The following ZNF148 variants were observed in gnomAD, a reference collection of about 807,000 sequenced individuals.
The protein encoded by ZNF148 is zinc finger protein 148, also known as Beta-Enolase Repressor Factor-1.
A neutral mutation model predicts 67.7 loss-of-function variants in ZNF148; 7 were observed. That is an observed-to-expected ratio of 0.10 (90% confidence interval 0.06 to 0.19). The LOEUF (loss-of-function observed/expected upper bound fraction) is 0.19. Ranked by LOEUF, ZNF148 falls within the 10% of genes least tolerant of loss-of-function variation. ZNF148 has a pLI of 1.00. For missense variants in ZNF148, 583 were observed against 947.1 expected (o/e 0.62, Z 5.05); for synonymous variants, 333 against 330.7 (o/e 1.01, Z -0.08).
At chr3:125,355,369 T>C (rs1286590057) in intron 1 of ZNF148, among the ~76,000 whole-genome samples, 1 of 152,202 alleles carries the variant, frequency 6.6e-6, no homozygotes, top group African/African-American at 2.4e-5. Context: ...GACTGTCATA[T>C]GCATTGTAGG....
rs1008523880 is a variant in ZNF148 at position 125,263,788 on chromosome 3, G to T, written c.667+13938C>A. On this transcript the variant is annotated intron_variant, in intron 7 of 8. Coordinates refer to ENST00000360647, the MANE Select transcript of ZNF148 (RefSeq NM_021964.3). Reference sequence around the variant, plus strand: ...AACCCTAGGGATTTCCTGGGTGATAGAAGCCTCTTTCGTTCTAATGAGGCG... The same window carrying T: ...AACCCTAGGGATTTCCTGGGTGATATAAGCCTCTTTCGTTCTAATGAGGCG... Among the ~76,000 whole-genome samples the T allele has an allele frequency of 5.2e-5, 7 of 134,814 alleles. No individual in the cohort carries two copies. The South Asian group carries it at 1.5e-3, about 28-fold the overall frequency. The allele number at this position is 134,814 out of a possible 152,430, so 88.4% of individuals were successfully genotyped here.
intron 2 of ZNF148, among the ~76,000 whole-genome samples, chr3:125,327,415 C>T (rs748404643): frequency 1.4e-4 from 21 of 152,280 alleles, no homozygotes; most frequent in Non-Finnish European, 2.9e-4. Flanking sequence ...ATATAGAAAA[C>T]ACTACCAAAC....
At chr3:125,356,050 T>TC (rs1366033417) in intron 1 of ZNF148, among the ~76,000 whole-genome samples, 2 of 151,778 alleles carry the variant, frequency 1.3e-5, no homozygotes, top group African/African-American at 2.4e-5. Context: ...AAATATATCT[T>TC]CCCCCCGTTA....
At chr3:125,234,490 T>G (rs569999742) in intron 7 of ZNF148, among the ~76,000 whole-genome samples, 161 bp from the exon 8 acceptor site, 6 of 152,332 alleles carry the variant, frequency 3.9e-5, no homozygotes, top group African/African-American at 1.4e-4. Context: ...GATTAGCATA[T>G]GCTATTGGAA....
chr3:125,339,379 GTAT>G (rs1941624288), intron 1 of ZNF148, among the ~76,000 whole-genome samples: 1 of 152,098 alleles, frequency 6.6e-6, no homozygotes, highest in Non-Finnish European at 1.5e-5. Context: ...ATGCAGTAAC[GTAT>G]TACGGGAATA....
At chr3:125,305,713 T>C (rs2107658140) in intron 4 of ZNF148, among the ~76,000 whole-genome samples, 1 of 150,760 alleles carries the variant, frequency 6.6e-6, no homozygotes, top group South Asian at 2.1e-4. Flanking sequence ...CTCAGGAGAC[T>C]GAGTTGTGAG....
intron 3 of ZNF148, among the ~76,000 whole-genome samples, chr3:125,317,598 T>C (rs1013281392): frequency 2.1e-5 from 3 of 143,658 alleles, no homozygotes; most frequent in Non-Finnish European, 3.0e-5. Context: ...CAAGATACAT[T>C]AAGTGAAAAA....
chr3:125,295,665 T>C (rs1038424727), intron 4 of ZNF148, among the ~76,000 whole-genome samples: 14 of 152,100 alleles, frequency 9.2e-5, no homozygotes, highest in Non-Finnish European at 2.1e-4. Context: ...CAACTAAAAT[T>C]GGGATCATGC....
At chr3:125,299,094 A>G (rs1378326299) in intron 4 of ZNF148, among the ~76,000 whole-genome samples, 1 of 152,216 alleles carries the variant, frequency 6.6e-6, no homozygotes, top group Non-Finnish European at 1.5e-5. Flanking sequence ...TTTTCACTTT[A>G]TTATTTCTTC....
intron 7 of ZNF148, among the ~76,000 whole-genome samples, chr3:125,277,162 C>T (rs185209364): frequency 1.1e-3 from 170 of 152,182 alleles, no homozygotes; most frequent in African/African-American, 3.6e-3. Flanking sequence ...TTGGTTTTAC[C>T]GTTGGCAAAA....
At chr3:125,284,133 A>G (rs1197329995) in intron 5 of ZNF148, among the ~76,000 whole-genome samples, 1 of 152,190 alleles carries the variant, frequency 6.6e-6, no homozygotes, top group Non-Finnish European at 1.5e-5. Flanking sequence ...TATAATATAT[A>G]CAACATGGGA....
At chr3:125,324,184 T>TA (rs71625789) in intron 2 of ZNF148, among the ~76,000 whole-genome samples, 45,424 of 151,340 alleles carry the variant, frequency 0.3, 7,248 homozygotes, top group Middle Eastern at 0.36. Flanking sequence ...AGTATAATAA[T>TA]AAAAAAAATA....
intron 1 of ZNF148, among the ~76,000 whole-genome samples, chr3:125,361,290 T>C (rs1170040163): frequency 6.6e-6 from 1 of 152,006 alleles, no homozygotes; most frequent in East Asian, 1.9e-4. Context: ...ATCCTATCAC[T>C]AAAAAATCGC....
At position 125,226,837 on chromosome 3, in the gene ZNF148, T is replaced by A. The variant is rs1022761037; in HGVS notation, c.*5504A>T. ...CAATTGTCAGGCTGCTGACTACTGATGTAAAAGTTTATATTTAAAAATATC... is the reference window on the plus strand; with the variant it reads ...CAATTGTCAGGCTGCTGACTACTGAAGTAAAAGTTTATATTTAAAAATATC... On this transcript the variant is annotated 3_prime_UTR_variant, in exon 9 of 9. Coordinates refer to ENST00000360647, the MANE Select transcript of ZNF148 (RefSeq NM_021964.3). The A allele has an allele frequency of 2.0e-5, 3 of 152,278 alleles. No homozygotes were observed. Among genetic ancestry groups the A allele is most frequent in the African/African-American group, 7.2e-5 (3 of 41,458 alleles). The allele number at this position is 152,278 out of a possible 1,614,324, so 9.4% of individuals were successfully genotyped here. A position where few individuals can be genotyped will look rare whatever the true frequency, so the allele number is the denominator to read the frequency against.
At chr3:125,252,541 G>A (rs563620846) in intron 7 of ZNF148, among the ~76,000 whole-genome samples, 63 of 152,086 alleles carry the variant, frequency 4.1e-4, no homozygotes, top group African/African-American at 1.2e-3. Flanking sequence ...TGCATGAGGC[G>A]GGTGGATCAC....
intron 4 of ZNF148, among the ~76,000 whole-genome samples, chr3:125,308,533 AAAAAAAAC>A (rs1940016276): frequency 8.4e-6 from 1 of 119,124 alleles, no homozygotes; most frequent in Admixed American, 8.5e-5. Context: ...CTATAAAAAA[AAAAAAAAC>A]AAAAACCTAA....
intron 4 of ZNF148, among the ~76,000 whole-genome samples, chr3:125,303,968 T>C (rs964139475): frequency 2.0e-5 from 3 of 152,080 alleles, no homozygotes; most frequent in African/African-American, 4.8e-5. Context: ...GGATGAGGGA[T>C]GGAGGGGGTC....
chr3:125,357,868 C>G (rs1223204689), intron 1 of ZNF148: 1 of 152,232 alleles, frequency 6.6e-6, no homozygotes, highest in South Asian at 2.1e-4. Context: ...TCAGTAGCCT[C>G]CGCCTTAATC....
At chr3:125,305,423 C>G (rs1939819835) in intron 4 of ZNF148, among the ~76,000 whole-genome samples, 1 of 152,178 alleles carries the variant, frequency 6.6e-6, no homozygotes, top group Admixed American at 6.5e-5. Context: ...TGAACTGAGT[C>G]TTTTGGCTAA....
Sources: gnomAD v4.1 joint callset for allele counts (sites outside exome capture counted in the v4.1 genomes callset) on GRCh38, gnomAD v4.1.1 for gene constraint, MANE v1.5 for transcripts, NCBI Gene and HGNC (gene_info 2026-07-23, HGNC 2026-07-21) for gene names.